The following DDIT3 variants were observed in gnomAD, a reference collection of about 807,000 sequenced individuals.
DDIT3 encodes DNA damage inducible transcript 3, also known as DNA damage-inducible transcript 3 protein.
Under a neutral mutation model 17.6 loss-of-function variants are expected in DDIT3, and 14 were observed. The ratio of observed to expected loss-of-function variants is 0.80; its 90% CI spans 0.53 to 1.25. The LOEUF is 1.25. Ranked by LOEUF, DDIT3 falls within the 50% of genes most tolerant of loss-of-function variation. The pLI is 0.00. For missense variants in DDIT3, 216 were observed against 202.7 expected, an observed-to-expected ratio of 1.07 and a Z score of -0.40; for synonymous variants, 93 against 76.5, an observed-to-expected ratio of 1.22 and a Z score of -1.13.
At position 57,517,103 on chromosome 12, in the gene DDIT3, C is replaced by T; in HGVS notation, c.216G>A (p.Glu72=). Reference sequence around the variant, plus strand: ...GAGGGCTCTGGGAGGTGCTTGTGACCTCTGCTGGTTCTGGCTCCTCCTCAG... The same window carrying T: ...GAGGGCTCTGGGAGGTGCTTGTGACTTCTGCTGGTTCTGGCTCCTCCTCAG... ...WLTEEEPEPA[E]VTSTSQSPHS... The change falls in exon 4 of 4, where the codon GAG becomes GAA. Residue 72 remains glutamate (E), a synonymous_variant. Coordinates refer to ENST00000346473, the MANE Select transcript of DDIT3 (RefSeq NM_004083.6). 3 of 1,614,110 alleles carry T rather than the reference C, an allele frequency of 1.9e-6. No individual in the cohort carries two copies. The highest frequency in any genetic ancestry group is 2.5e-6 in the Non-Finnish European group (3 of 1,179,982).
chr12:57,516,685 G>A lies in DDIT3; in HGVS notation c.*124C>T. 5 of 1,526,206 alleles carry A rather than the reference G, an allele frequency of 3.3e-6. No homozygotes were observed. The highest frequency in any genetic ancestry group is 1.4e-5 in the African/African-American group (1 of 72,082). 94.5% of individuals were successfully genotyped at this position (1,526,206 alleles called of 1,614,324 possible). ...AGACCTTTCCTTTTGTCTACTCCAA[G>A]CCTTCCCCCTGCGTATGTGGGATTG... On this transcript the variant is annotated 3_prime_UTR_variant, in exon 4 of 4. Transcript: ENST00000346473.
chr12:57,517,376 C>T lies in DDIT3; in HGVS notation c.31G>A (p.Gly11Arg), dbSNP rs201227991. 17 of 1,612,440 alleles carry T rather than the reference C, an allele frequency of 1.1e-5. No homozygotes were observed. Among genetic ancestry groups the T allele is most frequent in the Admixed American group, 5.0e-5 (3 of 59,996 alleles). The change falls in exon 3 of 4, where the codon GGG becomes AGG. Residue 11 changes from glycine to arginine, a missense_variant. Coordinates refer to ENST00000346473, the MANE Select transcript of DDIT3 (RefSeq NM_004083.6). Reference protein sequence around the residue: MAAESLPFSFGTLSSWELEAW... With the variant: MAAESLPFSFRTLSSWELEAW... ...TCCAGCTCCCAGCTGGACAGTGTCC[C>T]GAAGGAGAAAGGCAATGACTCAGCT...
intron 1 of DDIT3, among the ~76,000 whole-genome samples, chr12:57,520,094 C>T (rs1020683784): frequency 1.3e-5 from 2 of 152,244 alleles, no homozygotes; most frequent in Non-Finnish European, 2.9e-5. Flanking sequence ...GTGTGTCCTG[C>T]TGACCTGCCT....
chr12:57,520,477 A>C lies in DDIT3; in HGVS notation c.-140T>G. ...TGTCGCTGCCACCCGCTCATCTTTA[A>C]CATGATACGCTCAGTGCCTTAGACT... is the stretch of plus-strand genomic sequence containing the variant. On this transcript the variant is annotated 5_prime_UTR_variant, in exon 1 of 4. Transcript: ENST00000346473. 1 of 398,590 alleles carries C rather than the reference A, an allele frequency of 2.5e-6. No individual in the cohort carries two copies. Among genetic ancestry groups the C allele is most frequent in the Non-Finnish European group, 4.4e-6 (1 of 226,108 alleles). The allele number at this position is 398,590 out of a possible 1,614,324, so 24.7% of individuals were successfully genotyped here.
Position 57,516,672 on chromosome 12 carries a change from T to C in DDIT3, c.*137A>G, listed in dbSNP as rs1877862599. ...TATATACAAGCTGAGACCTTTCCTT[T>C]TGTCTACTCCAAGCCTTCCCCCTGC... On this transcript the variant is annotated 3_prime_UTR_variant, in exon 4 of 4. Coordinates refer to ENST00000346473, the MANE Select transcript of DDIT3 (RefSeq NM_004083.6). 6.6e-7 allele frequency: 1 copy of C among 1,522,684 alleles called. No homozygotes were observed. Among genetic ancestry groups the C allele is most frequent in the Non-Finnish European group, 8.8e-7 (1 of 1,137,230 alleles). 94.3% of individuals were successfully genotyped at this position (1,522,684 alleles called of 1,614,324 possible).
At chr12:57,517,528 G>A in intron 2 of DDIT3, 90 bp from the exon 3 acceptor site, 1 of 1,397,104 alleles carries the variant, frequency 7.2e-7, no homozygotes, top group Non-Finnish European at 9.9e-7. Flanking sequence ...GCCTGTTTTT[G>A]TAGGTAAAGT....
Position 57,517,943 on chromosome 12 carries a change from C to G in DDIT3, c.-80-190G>C, listed in dbSNP as rs753650015. On this transcript the variant is annotated intron_variant, in intron 1 of 3. Coordinates refer to ENST00000346473, the MANE Select transcript of DDIT3 (RefSeq NM_004083.6). Reference sequence around the variant, plus strand: ...CTCGGTTCAAGTGATTCTTCTGCCTCGGCCTCCCGAGTAGCTGGGACTACA... The same window carrying G: ...CTCGGTTCAAGTGATTCTTCTGCCTGGGCCTCCCGAGTAGCTGGGACTACA... Among the ~76,000 whole-genome samples, 48 of 151,966 alleles carry G rather than the reference C, an allele frequency of 3.2e-4. 1 individual carries two copies. The highest frequency in any genetic ancestry group is 1.7e-3 in the South Asian group (8 of 4,828).
intron 1 of DDIT3, among the ~76,000 whole-genome samples, chr12:57,518,902 A>G (rs1594842855): frequency 6.6e-6 from 1 of 152,086 alleles, no homozygotes; most frequent in Non-Finnish European, 1.5e-5. Context: ...CAGGTGATCC[A>G]CCCACCTCTG....
chr12:57,518,614 A>AT (rs1218322446), intron 1 of DDIT3, among the ~76,000 whole-genome samples: 1 of 152,118 alleles, frequency 6.6e-6, no homozygotes, highest in East Asian at 1.9e-4. Flanking sequence ...ATCATCCTTC[A>AT]TTCCTCTTCT....
At chr12:57,519,063 T>TA in intron 1 of DDIT3, 1 of 527,520 alleles carries the variant, frequency 1.9e-6, no homozygotes, top group South Asian at 1.4e-5. Context: ...CTACCATCTC[T>TA]AAATTACTGC....
rs775450087 is a variant in DDIT3 at position 57,516,928 on chromosome 12, C to T, written c.391G>A (p.Val131Met). 3.7e-6 allele frequency: 6 copies of T among 1,614,034 alleles called. No homozygotes were observed. The African/African-American group carries it at 8.0e-5, about 22-fold the overall frequency. ...KEKEQENERK[V>M]AQLAEENERL... The stretch of plus-strand genomic sequence containing the variant: ...TCATTCTCTTCAGCTAGCTGTGCCA[C>T]TTTCCTTTCATTCTCCTGTTCTTTC... Residue 131 changes from valine (V) to methionine (M), a missense_variant, in exon 4 of 4, where the codon GTG (valine) becomes ATG (methionine). Transcript: ENST00000346473.
chr12:57,518,813 C>T (rs555360739), intron 1 of DDIT3, among the ~76,000 whole-genome samples: 29 of 152,284 alleles, frequency 1.9e-4, no homozygotes, highest in Non-Finnish European at 2.8e-4. Context: ...CATGCACTGC[C>T]ATGCCCGGCT....
Position 57,516,811 on chromosome 12 carries a change from A to T in DDIT3, c.508T>A (p.Ter170ArgextTer67), listed in dbSNP as rs1877876789. Residue 170 changes from the stop codon to arginine (R), a stop_lost, in exon 4 of 4, where the codon TGA becomes AGA. Transcript: ENST00000346473. ...GGGGGACTGATGCTCCCAATTGTTC[A>T]TGCTTGGTGCAGATTCACCATTCGG... Reference protein sequence around the residue: ...IDRMVNLHQA* With the variant: ...IDRMVNLHQAR The T allele has an allele frequency of 5.0e-6, 8 of 1,609,576 alleles. No individual in the cohort carries two copies. The highest frequency in any genetic ancestry group is 6.8e-6 in the Non-Finnish European group (8 of 1,179,550).
intron 1 of DDIT3, among the ~76,000 whole-genome samples, chr12:57,519,426 G>A (rs958747317): frequency 6.6e-6 from 1 of 152,124 alleles, no homozygotes; most frequent in Non-Finnish European, 1.5e-5. Flanking sequence ...GCCCCAAACT[G>A]TGTGGCACAC....
Position 57,517,297 on chromosome 12 carries a change from G to A in DDIT3, c.110C>T (p.Thr37Ile). The A allele has an allele frequency of 6.2e-7, 1 of 1,614,128 alleles. No homozygotes were observed. Among genetic ancestry groups the A allele is most frequent in the East Asian group, 2.2e-5 (1 of 44,888 alleles). ...TTCATTTCCAGGAGGTGAAACATAGGTACCCCCATTTTCATCTGAAGACAG... is the reference window on the plus strand; with the variant it reads ...TTCATTTCCAGGAGGTGAAACATAGATACCCCCATTTTCATCTGAAGACAG... ...EVLSSDENGG[T>I]YVSPPGNEEE... The change falls in exon 3 of 4, where the codon ACC (threonine) becomes ATC (isoleucine). Residue 37 changes from threonine (T) to isoleucine (I), a missense_variant. By Grantham distance (89) the Thr-to-Ile change is moderately conservative (BLOSUM62 -1). Transcript: ENST00000346473.
Sources: allele counts gnomAD v4.1 joint callset (sites outside exome capture counted in the v4.1 genomes callset), GRCh38; gene constraint gnomAD v4.1.1; transcripts MANE v1.5; gene names NCBI Gene and HGNC (gene_info 2026-07-23, HGNC 2026-07-21).